Variants in ANKS3 observed in about 807,000 individuals in gnomAD.
The protein encoded by ANKS3 is ankyrin repeat and sterile alpha motif domain containing 3, also known as ankyrin repeat and SAM domain-containing protein 3.
Under a neutral mutation model 80.7 loss-of-function variants are expected in ANKS3, and 62 were observed. That is an observed-to-expected ratio of 0.77 (90% CI 0.63 to 0.95). The LOEUF (loss-of-function observed/expected upper bound fraction) is 0.95. Among genes scored for constraint, ANKS3 ranks in the 40% least tolerant of loss-of-function variants. The pLI is 0.00. For missense variants in ANKS3, 1,150 were observed against 883.6 expected (o/e 1.30, Z -3.82); for synonymous variants, 489 against 355.3 (o/e 1.38, Z -4.23).
chr16:4,697,914 C>T, intron 15 of ANKS3, 63 bp downstream of exon 15: 3 of 1,408,022 alleles, frequency 2.1e-6, no homozygotes, highest in Non-Finnish European at 1.9e-6. Flanking sequence ...CTGGGTCAAA[C>T]CTGGCTTCAG....
intron 9 of ANKS3, 44 bp from the exon 10 acceptor site, chr16:4,701,587 G>C (rs760033646): frequency 1.3e-5 from 20 of 1,552,804 alleles, no homozygotes; most frequent in Admixed American, 5.4e-5. Flanking sequence ...CCCTCACCGA[G>C]GTGCTGCGCA....
chr16:4,698,343 T>C, intron 14 of ANKS3, 84 bp downstream of exon 14: 2 of 1,421,820 alleles, frequency 1.4e-6, no homozygotes, highest in East Asian at 2.6e-5. Flanking sequence ...AGTTACAAAA[T>C]CAGGAGGAAA....
In ANKS3 at chr16:4,719,989, C is replaced by G. The variant is rs1418656895; in HGVS notation, c.573+4761G>C. ...CCAGCCTGGCCAACATGGTGAAACCCTGTCTCCACTAAAAATACAAAAATT... is the reference window on the plus strand; with the variant it reads ...CCAGCCTGGCCAACATGGTGAAACCGTGTCTCCACTAAAAATACAAAAATT... On this transcript the variant is annotated intron_variant, in intron 6 of 17. Transcript: ENST00000304283. 1.4e-5 allele frequency among the ~76,000 whole-genome samples: 2 copies of G among 147,480 alleles called. 1 individual carries two copies. Among genetic ancestry groups the G allele is most frequent in the Admixed American group, 1.4e-4 (2 of 14,568 alleles).
rs1442915511 is a variant in ANKS3 at position 4,702,207 on chromosome 16, T to C, written c.904A>G (p.Ser302Gly). ...APPRGYVTFN[S>G]SGENPLEEEG... ...TCTTCCAGGGGGTTCTCGCCACTGCTGTTGAAGGTGACATAGCCACGGGGA... is the reference window on the plus strand; with the variant it reads ...TCTTCCAGGGGGTTCTCGCCACTGCCGTTGAAGGTGACATAGCCACGGGGA... The change falls in exon 9 of 18, where the codon AGC becomes GGC. Residue 302 changes from serine (S) to glycine (G), a missense_variant. Transcript: ENST00000304283. The C allele has an allele frequency of 6.3e-7, 1 of 1,588,856 alleles. No individual in the cohort carries two copies.
chr16:4,710,071 T>C (rs2080403348), intron 7 of ANKS3, among the ~76,000 whole-genome samples: 1 of 152,152 alleles, frequency 6.6e-6, no homozygotes, highest in South Asian at 2.1e-4. Context: ...ATTTACAGGA[T>C]TTTTAAAAGC....
rs753615486 is a variant in ANKS3 at position 4,714,105 on chromosome 16, C to A, written c.655G>T (p.Ala219Ser). 1 of 1,614,202 alleles carries A rather than the reference C, an allele frequency of 6.2e-7. No individual in the cohort carries two copies. The highest frequency in any genetic ancestry group is 1.1e-5 in the South Asian group (1 of 91,080). ...AKQYGHMKIV[A>S]LMDTYSPSLP... ...GAGGGCGAGTAAGTGTCCATCAAGG[C>A]CACGATCTTCATGTGTCCGTACTGC... The change falls in exon 7 of 18, where the codon GCC (alanine) becomes TCC (serine). Residue 219 changes from alanine to serine, a missense_variant. Coordinates refer to ENST00000304283, the MANE Select transcript of ANKS3 (RefSeq NM_133450.4).
chr16:4,698,506 C>T lies in ANKS3; in HGVS notation c.1645G>A (p.Ala549Thr), dbSNP rs761207585. 54 of 1,560,016 alleles carry T rather than the reference C, an allele frequency of 3.5e-5. 1 individual carries two copies. The highest frequency in any genetic ancestry group is 4.0e-4 in the Middle Eastern group (2 of 4,964). ...AGCCGGGCCTGGAGGTCCTCGCGGG[C>T]GCGGTCCTGCTCCAGCAGGCAGCTC... ...VESCLLEQDR[A>T]REDLQARLRE... Residue 549 changes from alanine (A) to threonine (T), a missense_variant, in exon 14 of 18, where the codon GCC becomes ACC. Physicochemically the swap from Ala to Thr is moderately conservative, Grantham distance 58. Transcript: ENST00000304283.
intron 1 of ANKS3, 31 bp downstream of exon 1, chr16:4,733,907 C>G (rs1454775644): frequency 2.0e-6 from 2 of 985,372 alleles, no homozygotes. Context: ...GGCCCCGGGG[C>G]GGGTCCCTGG....
At chr16:4,710,246 A>C (rs2080412493) in intron 7 of ANKS3, among the ~76,000 whole-genome samples, 1 of 152,212 alleles carries the variant, frequency 6.6e-6, no homozygotes, top group African/African-American at 2.4e-5. Flanking sequence ...CAAAATAGCT[A>C]CTAGAAGACA....
At chr16:4,702,707 C>T in intron 8 of ANKS3, among the ~76,000 whole-genome samples, 1 of 151,966 alleles carries the variant, frequency 6.6e-6, no homozygotes, top group East Asian at 1.9e-4. Context: ...CCTGGCTGAG[C>T]AGGAAGGAAA....
intron 11 of ANKS3, 22 bp from the exon 12 acceptor site, chr16:4,699,198 T>G (rs756089105): frequency 3.7e-6 from 6 of 1,612,934 alleles, no homozygotes; most frequent in Middle Eastern, 1.7e-4. Flanking sequence ...AGGGGACAGG[T>G]TGGGGGAGGT....
rs545641938 is a variant in ANKS3 at position 4,701,267 on chromosome 16, G to A, written c.1120-133C>T. 8.9e-5 allele frequency: 128 copies of A among 1,442,678 alleles called. No individual in the cohort carries two copies. In the South Asian group the frequency reaches 1.1e-3, roughly 12 times the overall value. 89.4% of individuals were successfully genotyped at this position (1,442,678 alleles called of 1,614,324 possible). ...CCCGCCACACAGGGGCTTCCGGTGC[G>A]TTCGCTGTCGTCTGAGAAGCCAGAC... is the stretch of plus-strand genomic sequence containing the variant. On this transcript the variant is annotated intron_variant, in intron 10 of 17. Transcript: ENST00000304283.
chr16:4,700,930 CGTCTCTGA>C, intron 11 of ANKS3, 32 bp downstream of exon 11: 4 of 1,612,220 alleles, frequency 2.5e-6, no homozygotes, highest in Non-Finnish European at 3.4e-6. Context: ...CAAAAAGTGC[CGTCTCTGA>C]GTGTAACCTC....
chr16:4,697,052 G>C lies in ANKS3; in HGVS notation c.1947C>G (p.Asn649Lys). 1 of 1,613,826 alleles carries C rather than the reference G, an allele frequency of 6.2e-7. No homozygotes were observed. Among genetic ancestry groups the C allele is most frequent in the Middle Eastern group, 1.7e-4 (1 of 6,058 alleles). The part of the protein sequence containing the change: ...TQSLEKLQVL[N>K]GKKWRET ...GCTAGGTCTCCCGCCACTTCTTCCC[G>C]TTCAGCACCTGCAGCTTCTCCAGGC... The change falls in exon 17 of 18, where the codon AAC (asparagine) becomes AAG (lysine). Residue 649 changes from asparagine (N) to lysine (K), a missense_variant. Asn to Lys is a moderately conservative substitution (Grantham distance 94). Transcript: ENST00000304283.
intron 7 of ANKS3, among the ~76,000 whole-genome samples, chr16:4,708,460 A>G (rs1290974864): frequency 6.6e-6 from 1 of 152,214 alleles, no homozygotes; most frequent in Non-Finnish European, 1.5e-5. Flanking sequence ...TAGCAACAAA[A>G]GGGCAACAAT....
At chr16:4,700,724 C>A (rs1013946951) in intron 11 of ANKS3, 1 of 654,458 alleles carries the variant, frequency 1.5e-6, no homozygotes, top group Admixed American at 2.2e-5. Flanking sequence ...CTCAGGGAGG[C>A]CAACTCCAGT....
At chr16:4,724,070 A>G (rs2081238239) in intron 6 of ANKS3, among the ~76,000 whole-genome samples, 1 of 152,202 alleles carries the variant, frequency 6.6e-6, no homozygotes, top group African/African-American at 2.4e-5. Flanking sequence ...AAAAAAATAA[A>G]TTAATAAAAT....
chr16:4,707,961 A>C (rs1338851913), intron 7 of ANKS3, among the ~76,000 whole-genome samples: 3 of 152,062 alleles, frequency 2.0e-5, no homozygotes, highest in Non-Finnish European at 4.4e-5. Flanking sequence ...AAATACAAAA[A>C]AAAATGAGCC....
rs1385637975 is a variant in ANKS3, at chr16:4,696,855, G to A, written c.*53C>T. Reference sequence around the variant, plus strand: ...CTGCTCACTGTCCTCCTCACTCCCTGGCACACAGCTTCAGGGTGGACCAAT... The same window carrying A: ...CTGCTCACTGTCCTCCTCACTCCCTAGCACACAGCTTCAGGGTGGACCAAT... On this transcript the variant is annotated 3_prime_UTR_variant, in exon 18 of 18. Coordinates refer to ENST00000304283, the MANE Select transcript of ANKS3 (RefSeq NM_133450.4). 1 of 692,440 alleles carries A rather than the reference G, an allele frequency of 1.4e-6. No individual in the cohort carries two copies. The highest frequency in any genetic ancestry group is 2.5e-6 in the Non-Finnish European group (1 of 403,292). 42.9% of individuals were successfully genotyped at this position (692,440 alleles called of 1,614,324 possible). A position where few individuals can be genotyped will look rare whatever the true frequency, so the allele number is the denominator to read the frequency against.
Sources: allele counts gnomAD v4.1 joint callset (sites outside exome capture counted in the v4.1 genomes callset), GRCh38; gene constraint gnomAD v4.1.1; transcripts MANE v1.5; gene names NCBI Gene and HGNC (gene_info 2026-07-23, HGNC 2026-07-21).